The following ZIM2 variants were observed in gnomAD, a reference collection of about 807,000 sequenced individuals.
The protein encoded by ZIM2 is zinc finger protein 656.
In ZIM2, 14 loss-of-function variants were observed where a neutral mutation model predicts 38.6. The observed-to-expected ratio is 0.36, with a 90% CI of 0.24 to 0.57. ZIM2 has a LOEUF of 0.57. ZIM2 is among the 20% of genes least tolerant of loss of function. ZIM2 has a pLI of 0.81. For missense variants in ZIM2, 680 were observed against 695.1 expected, an observed-to-expected ratio of 0.98 and a Z score of 0.24; for synonymous variants, 247 against 245.8, an observed-to-expected ratio of 1.00 and a Z score of -0.04.
intron 9 of ZIM2, among the ~76,000 whole-genome samples, chr19:56,796,195 C>T (rs1050120325): frequency 6.6e-5 from 10 of 152,224 alleles, no homozygotes; most frequent in Non-Finnish European, 7.4e-5. Flanking sequence ...ATTTTGTGGA[C>T]GCTGAAGCCT....
chr19:56,820,937 G>A (rs1425477675), intron 7 of ZIM2, among the ~76,000 whole-genome samples: 1 of 152,074 alleles, frequency 6.6e-6, no homozygotes, highest in Non-Finnish European at 1.5e-5. Context: ...TCAGTGCTGG[G>A]GTCCTCCTCC....
In ZIM2 at chr19:56,775,572, A is replaced by G. The variant is rs373909247; in HGVS notation, c.836-43T>C. 456 of 1,544,142 alleles carry G rather than the reference A, an allele frequency of 3.0e-4. 4 individuals are homozygous for G. The African/African-American group carries it at 5.6e-3, about 19-fold the overall frequency. On this transcript the variant is annotated intron_variant, in intron 12 of 12. Coordinates refer to ENST00000629319, the MANE Select transcript of ZIM2 (RefSeq NM_001387356.1). ...GAAGTTACCTACCGCCCAATTATCCAATCCTGCCCCCCAATAATGATATTT... is the reference window on the plus strand; with the variant it reads ...GAAGTTACCTACCGCCCAATTATCCGATCCTGCCCCCCAATAATGATATTT...
At chr19:56,825,340 T>C (rs1397413931) in intron 3 of ZIM2, among the ~76,000 whole-genome samples, 3 of 152,234 alleles carry the variant, frequency 2.0e-5, no homozygotes, top group Non-Finnish European at 2.9e-5. Context: ...CCTCACACAG[T>C]GAGAAGTGAC....
At chr19:56,810,316 GAC>G in intron 9 of ZIM2, 9 of 983,514 alleles carry the variant, frequency 9.2e-6, no homozygotes, top group Non-Finnish European at 1.1e-5. Flanking sequence ...AGTAAAGGTG[GAC>G]TACCAAAACA....
chr19:56,820,557 T>C (rs755236417), intron 7 of ZIM2, among the ~76,000 whole-genome samples: 1 of 152,178 alleles, frequency 6.6e-6, no homozygotes, highest in African/African-American at 2.4e-5. Flanking sequence ...CCCACAACTT[T>C]AGCTGAGCTC....
intron 10 of ZIM2, among the ~76,000 whole-genome samples, chr19:56,782,871 AAAGAGTTACACTCTTTATT>A (rs1173903514): frequency 6.6e-6 from 1 of 152,102 alleles, no homozygotes; most frequent in African/African-American, 2.4e-5. Context: ...AAAGGATAAT[AAAGAGTTACACTCTTTATT>A]TTAAAATGTA....
At chr19:56,779,752 G>A (rs1020817412) in intron 11 of ZIM2, among the ~76,000 whole-genome samples, 5 of 152,034 alleles carry the variant, frequency 3.3e-5, no homozygotes, top group African/African-American at 4.8e-5. Flanking sequence ...AACCCGGGAC[G>A]ATCTGGTTCC....
intron 6 of ZIM2, chr19:56,822,398 T>A (rs1568667633): frequency 4.5e-6 from 1 of 223,156 alleles, no homozygotes; most frequent in South Asian, 9.8e-5. Context: ...GTTAACAATA[T>A]TGTTACAATG....
intron 1 of ZIM2, among the ~76,000 whole-genome samples, chr19:56,837,865 G>C (rs569285346): frequency 6.6e-6 from 1 of 152,312 alleles, no homozygotes; most frequent in Admixed American, 6.5e-5. Flanking sequence ...TAGGATGGAC[G>C]GGGCTCACGC....
In ZIM2 at chr19:56,775,140, G is replaced by C. The variant is rs1012427145; in HGVS notation, c.1225C>G (p.His409Asp). Residue 409 changes from histidine to aspartate, a missense_variant, in exon 13 of 13, where the codon CAT becomes GAT. Transcript: ENST00000629319. ...MPHLNRHQKTHSGRKTSGCNE... is the reference protein window; with the variant it reads ...MPHLNRHQKTDSGRKTSGCNE... ...CAGCCAGAAGTCTTCCTACCAGAAT[G>C]GGTCTTCTGATGTCTGTTGAGGTGT... 2.5e-6 allele frequency: 4 copies of C among 1,614,150 alleles called. No homozygotes were observed. The highest frequency in any genetic ancestry group is 3.3e-5 in the Admixed American group (2 of 60,024).
intron 9 of ZIM2, chr19:56,815,967 A>G (rs2059939393): frequency 6.3e-7 from 1 of 1,588,784 alleles, no homozygotes; most frequent in African/African-American, 1.4e-5. Flanking sequence ...CCCTTCCTTC[A>G]GAGGTGTTCC....
intron 4 of ZIM2, 78 bp downstream of exon 4, chr19:56,824,179 CCATGT>C: frequency 6.4e-7 from 1 of 1,552,460 alleles, no homozygotes; most frequent in Non-Finnish European, 8.7e-7. Flanking sequence ...CCAGTCCAGA[CCATGT>C]CAGAAGTGTG....
intron 9 of ZIM2, chr19:56,816,195 C>T (rs770435859): frequency 1.7e-5 from 27 of 1,614,018 alleles, no homozygotes; most frequent in South Asian, 8.8e-5. Flanking sequence ...TAATGGTGAA[C>T]GCCTTTTCGT....
At position 56,824,066 on chromosome 19, in the gene ZIM2, T is replaced by C. The variant is rs571982032; in HGVS notation, c.16+196A>G. On this transcript the variant is annotated intron_variant, in intron 4 of 12. Coordinates refer to ENST00000629319, the MANE Select transcript of ZIM2 (RefSeq NM_001387356.1). Reference sequence around the variant, plus strand: ...TTGGCGACCAGGGGATACCTGGGCATGTGTGGAGACACTTTTGGTGGCCAC... The same window carrying C: ...TTGGCGACCAGGGGATACCTGGGCACGTGTGGAGACACTTTTGGTGGCCAC... 3.2e-4 allele frequency among the ~76,000 whole-genome samples: 49 copies of C among 152,316 alleles called. No individual in the cohort carries two copies. The South Asian group carries it at 4.6e-3, about 14-fold the overall frequency.
chr19:56,829,670 G>T (rs1430935916), intron 2 of ZIM2, among the ~76,000 whole-genome samples: 1 of 152,202 alleles, frequency 6.6e-6, no homozygotes, highest in Non-Finnish European at 1.5e-5. Flanking sequence ...CTTCCTGGCC[G>T]AGTGGCCCAA....
chr19:56,822,422 C>T lies in ZIM2; in HGVS notation c.190+331G>A, dbSNP rs112429239. ...ATTGTTACAATGTGTTTTTCATTCT[C>T]GCCTTCTGCCTATGGCACTTCATAC... On this transcript the variant is annotated intron_variant, in intron 6 of 12. Transcript: ENST00000629319. The T allele has an allele frequency of 1.9e-3, 497 of 263,578 alleles. 2 individuals are homozygous for T. The highest frequency in any genetic ancestry group is 9.5e-3 in the African/African-American group (426 of 45,076). The allele number at this position is 263,578 out of a possible 1,614,324, so 16.3% of individuals were successfully genotyped here. A position where few individuals can be genotyped will look rare whatever the true frequency, so the allele number is the denominator to read the frequency against.
At chr19:56,819,522 T>A (rs2060280247) in intron 7 of ZIM2, among the ~76,000 whole-genome samples, 1 of 152,158 alleles carries the variant, frequency 6.6e-6, no homozygotes, top group African/African-American at 2.4e-5. Context: ...GCACTGAGGC[T>A]GGAGAGAGAC....
intron 4 of ZIM2, among the ~76,000 whole-genome samples, chr19:56,824,004 T>C (rs2060771758): frequency 6.6e-6 from 1 of 152,102 alleles, no homozygotes; most frequent in Non-Finnish European, 1.5e-5. Flanking sequence ...CCTTTCCCTC[T>C]CCTGACTCAG....
At position 56,814,691 on chromosome 19, in the gene ZIM2, C is replaced by T; in HGVS notation, c.490+3055G>A. 6.2e-7 allele frequency: 1 copy of T among 1,614,008 alleles called. No homozygotes were observed. The highest frequency in any genetic ancestry group is 1.3e-5 in the African/African-American group (1 of 75,050). ...GCCATCTGGCTCTGCTCCAGTAAAT[C>T]ATCTTCCCTATGAAGTCTCATATGC... is the stretch of plus-strand genomic sequence containing the variant. On this transcript the variant is annotated intron_variant, in intron 9 of 12. Transcript: ENST00000629319. This position sits in a 1 kb window ranked among gnomAD's most constrained non-coding sequence, Gnocchi z 5.8.
Sources: gnomAD v4.1 joint callset for allele counts (sites outside exome capture counted in the v4.1 genomes callset) on GRCh38, gnomAD v4.1.1 for gene constraint, Gnocchi (gnomAD v3.1) non-coding constraint, MANE v1.5 for transcripts, NCBI Gene and HGNC (gene_info 2026-07-23, HGNC 2026-07-21) for gene names.